Variants in JAKMIP2 observed in about 807,000 individuals in gnomAD.
JAKMIP2 encodes janus kinase and microtubule interacting protein 2.
JAKMIP2 carries 25 observed loss-of-function variants against 115.0 expected under a neutral mutation model. That is an observed-to-expected ratio of 0.22 (90% CI 0.16 to 0.30). JAKMIP2 has a LOEUF of 0.30. Ranked by LOEUF, JAKMIP2 falls within the 10% of genes least tolerant of loss-of-function variation. The pLI is 1.00. For missense variants in JAKMIP2, 642 were observed against 957.6 expected (o/e 0.67, Z 4.35); for synonymous variants, 334 against 343.6 (o/e 0.97, Z 0.31).
At chr5:147,722,743 G>A (rs1043412169) in intron 1 of JAKMIP2, among the ~76,000 whole-genome samples, 10 of 152,084 alleles carry the variant, frequency 6.6e-5, no homozygotes, top group African/African-American at 2.4e-4. Context: ...TGTTTTGTTC[G>A]ATGAAACAAG....
intron 1 of JAKMIP2, among the ~76,000 whole-genome samples, chr5:147,705,737 T>C (rs1752536241): frequency 1.3e-5 from 2 of 152,210 alleles, no homozygotes; most frequent in African/African-American, 4.8e-5. Context: ...GGAGACTGGT[T>C]ATGCAGTTTG....
intron 1 of JAKMIP2, among the ~76,000 whole-genome samples, chr5:147,732,323 A>G (rs978765301): frequency 6.6e-6 from 1 of 152,180 alleles, no homozygotes; most frequent in African/African-American, 2.4e-5. Flanking sequence ...AAATAACTAT[A>G]AAAATGTTTA....
intron 1 of JAKMIP2, among the ~76,000 whole-genome samples, chr5:147,763,570 C>T (rs960495641): frequency 1.3e-5 from 2 of 152,106 alleles, no homozygotes; most frequent in African/African-American, 2.4e-5. Context: ...TTCTTCTTTG[C>T]ATTTTGTCTC....
At chr5:147,665,241 A>G (rs559868791) in intron 2 of JAKMIP2, among the ~76,000 whole-genome samples, 3 of 152,302 alleles carry the variant, frequency 2.0e-5, no homozygotes, top group East Asian at 1.9e-4. Context: ...TCATGCTACA[A>G]TGGAGTTGAG....
At chr5:147,631,283 TC>T (rs1352855359) in intron 14 of JAKMIP2, 129 bp downstream of exon 14, 1 of 555,752 alleles carries the variant, frequency 1.8e-6, no homozygotes, top group Non-Finnish European at 3.2e-6. Context: ...TATTTTCAAT[TC>T]CTACATAGTT....
chr5:147,644,602 C>T (rs1758037478), intron 6 of JAKMIP2, among the ~76,000 whole-genome samples: 1 of 152,184 alleles, frequency 6.6e-6, no homozygotes, highest in African/African-American at 2.4e-5. Context: ...CTTTCCTTCT[C>T]CATTTCCAAG....
intron 1 of JAKMIP2, among the ~76,000 whole-genome samples, chr5:147,725,707 C>A (rs1044347477): frequency 1.3e-5 from 2 of 152,070 alleles, no homozygotes; most frequent in Non-Finnish European, 2.9e-5. Context: ...TGGGTTCCAG[C>A]CCCAACTTAG....
At chr5:147,640,951 G>T (rs1190471738) in intron 8 of JAKMIP2, 128 bp from the exon 9 acceptor site, 1 of 721,728 alleles carries the variant, frequency 1.4e-6, no homozygotes, top group Non-Finnish European at 2.2e-6. Context: ...CTTCTTTGTT[G>T]AAATAAAAAC....
chr5:147,693,757 C>G (rs1217617733), intron 1 of JAKMIP2, among the ~76,000 whole-genome samples: 1 of 152,110 alleles, frequency 6.6e-6, no homozygotes, highest in Non-Finnish European at 1.5e-5. Flanking sequence ...ACTTTCGTTT[C>G]AGTCCTGTCA....
chr5:147,595,433 C>G (rs1755319492), intron 21 of JAKMIP2: 1 of 456,806 alleles, frequency 2.2e-6, no homozygotes, highest in Admixed American at 2.4e-5. Context: ...AGCTTTGCCC[C>G]CTCCAGGGGA....
chr5:147,737,019 T>C (rs974364267), intron 1 of JAKMIP2, among the ~76,000 whole-genome samples: 1 of 152,168 alleles, frequency 6.6e-6, no homozygotes, highest in Non-Finnish European at 1.5e-5. Context: ...CAATCTCCGT[T>C]CAAGAACACA....
chr5:147,677,827 A>C (rs921643105), intron 1 of JAKMIP2, among the ~76,000 whole-genome samples: 1 of 152,198 alleles, frequency 6.6e-6, no homozygotes, highest in African/African-American at 2.4e-5. Context: ...TTTTGTGGTG[A>C]GAACACTTAA....
At chr5:147,687,388 A>G (rs1760622701) in intron 1 of JAKMIP2, among the ~76,000 whole-genome samples, 1 of 152,214 alleles carries the variant, frequency 6.6e-6, no homozygotes, top group Non-Finnish European at 1.5e-5. Flanking sequence ...GTGCTGAAAC[A>G]GAGAAGCAAA....
chr5:147,736,898 G>A (rs1314671509), intron 1 of JAKMIP2, among the ~76,000 whole-genome samples: 1 of 152,154 alleles, frequency 6.6e-6, no homozygotes, highest in Non-Finnish European at 1.5e-5. Context: ...GATAGGGTAA[G>A]ATTTGAGTTG....
chr5:147,643,174 C>CAATT (rs2126723912), intron 7 of JAKMIP2, among the ~76,000 whole-genome samples: 1 of 152,232 alleles, frequency 6.6e-6, no homozygotes, highest in South Asian at 2.1e-4. Flanking sequence ...AGCCCTAATA[C>CAATT]AATTATATAT....
chr5:147,691,311 C>T (rs895445287), intron 1 of JAKMIP2, among the ~76,000 whole-genome samples: 4 of 152,128 alleles, frequency 2.6e-5, no homozygotes, highest in African/African-American at 7.2e-5. Context: ...ACCTCCTCCA[C>T]GGTACACAGA....
intron 12 of JAKMIP2, among the ~76,000 whole-genome samples, chr5:147,635,063 G>A (rs1757546737): frequency 6.6e-6 from 1 of 152,120 alleles, no homozygotes; most frequent in South Asian, 2.1e-4. Flanking sequence ...TGTAATCCCA[G>A]CTACTTGGGA....
At chr5:147,709,559 T>C (rs1185961280) in intron 1 of JAKMIP2, among the ~76,000 whole-genome samples, 3 of 152,060 alleles carry the variant, frequency 2.0e-5, no homozygotes, top group Non-Finnish European at 2.9e-5. Context: ...GAGGTAAAAA[T>C]ATCATTCTAG....
intron 1 of JAKMIP2, among the ~76,000 whole-genome samples, chr5:147,723,194 C>A (rs1251269785): frequency 6.6e-6 from 1 of 151,954 alleles, no homozygotes; most frequent in East Asian, 1.9e-4. Context: ...TACCATATAT[C>A]CTACGTTATC....
Sources: gnomAD v4.1 joint callset for allele counts (sites outside exome capture counted in the v4.1 genomes callset) on GRCh38, gnomAD v4.1.1 for gene constraint, MANE v1.5 for transcripts, NCBI Gene and HGNC (gene_info 2026-07-23, HGNC 2026-07-21) for gene names.